The following RAD23B variants were observed in gnomAD, a reference collection of about 807,000 sequenced individuals.
The protein encoded by RAD23B is lysine-specific demethylase RAD23B.
A neutral mutation model predicts 49.1 loss-of-function variants in RAD23B; 5 were observed. That is an observed-to-expected ratio of 0.10 (90% confidence interval 0.05 to 0.21). The LOEUF (loss-of-function observed/expected upper bound fraction) is 0.21. Among genes scored for constraint, RAD23B ranks in the 10% least tolerant of loss-of-function variants. The pLI, the probability that RAD23B is intolerant of heterozygous loss-of-function variation, is 1.00. For synonymous variants in RAD23B, 184 were observed against 165.4 expected (o/e 1.11, Z -0.86); for missense variants, 356 against 486.7 (o/e 0.73, Z 2.53).
rs1234075291 is a variant in RAD23B at position 107,292,886 on chromosome 9, C to T, written c.67-7255C>T. ...TAGTATCTACCTGTGTACTAGTTAA[C>T]CTATTACTGCATAACAAATTACCCC... On this transcript the variant is annotated intron_variant, in intron 1 of 9. Transcript: ENST00000358015. Among the ~76,000 whole-genome samples, 4 of 152,064 alleles carry T rather than the reference C, an allele frequency of 2.6e-5. No homozygotes were observed. The South Asian group carries it at 6.2e-4, about 24-fold the overall frequency.
chr9:107,309,841 G>T (rs1260042585), intron 4 of RAD23B, among the ~76,000 whole-genome samples: 1 of 149,374 alleles, frequency 6.7e-6, no homozygotes, highest in African/African-American at 2.5e-5. Flanking sequence ...TGAGGCAGGA[G>T]AATGGCGTGA....
chr9:107,287,185 G>A (rs923338202), intron 1 of RAD23B, among the ~76,000 whole-genome samples: 1 of 151,680 alleles, frequency 6.6e-6, no homozygotes, highest in African/African-American at 2.4e-5. Flanking sequence ...TTATATTACT[G>A]TTGCTTAAAA....
At chr9:107,284,694 C>T in intron 1 of RAD23B, 1 of 1,107,440 alleles carries the variant, frequency 9.0e-7, no homozygotes, top group Non-Finnish European at 1.1e-6. Context: ...CCAAGATTGT[C>T]ATAATACTAA....
chr9:107,291,132 G>A (rs1267594217), intron 1 of RAD23B, among the ~76,000 whole-genome samples: 5 of 152,176 alleles, frequency 3.3e-5, no homozygotes, highest in Non-Finnish European at 7.3e-5. Flanking sequence ...AGATTCTGGA[G>A]GCTTAAACAG....
At chr9:107,283,996 A>T (rs1000466478) in intron 1 of RAD23B, 1 of 1,097,232 alleles carries the variant, frequency 9.1e-7, no homozygotes, top group Non-Finnish European at 1.1e-6. Context: ...CCGGAGGGGG[A>T]TGGGAAGGTC....
chr9:107,295,209 GGTGT>G (rs1166332897), intron 1 of RAD23B, among the ~76,000 whole-genome samples: 1 of 152,026 alleles, frequency 6.6e-6, no homozygotes, highest in East Asian at 1.9e-4. Context: ...TGAGGACAGT[GGTGT>G]GTATTTAAGT....
In RAD23B at chr9:107,329,789, A is replaced by C; in HGVS notation, c.*133A>C. 3.5e-6 allele frequency: 1 copy of C among 283,910 alleles called. No individual in the cohort carries two copies. Among genetic ancestry groups the C allele is most frequent in the Non-Finnish European group, 7.3e-6 (1 of 137,452 alleles). 17.6% of individuals were successfully genotyped at this position (283,910 alleles called of 1,614,324 possible). A position where few individuals can be genotyped will look rare whatever the true frequency, so the allele number is the denominator to read the frequency against. ...AGTAGATTGTTGGGGGTGGGGAGGG[A>C]GGGATCTAGGATACAGGGCAGGGAT... On this transcript the variant is annotated 3_prime_UTR_variant, in exon 10 of 10. Transcript: ENST00000358015.
At position 107,318,235 on chromosome 9, in the gene RAD23B, A is replaced by G. The variant is rs113493895; in HGVS notation, c.554-517A>G. ...ACACAGGGCTCACTGTACTAAAATC[A>G]GGGAGCCGGCATTCCTTTTTGGAGA... On this transcript the variant is annotated intron_variant, in intron 5 of 9. Transcript: ENST00000358015. The surrounding 1 kb of genome is among the most constrained non-coding windows in gnomAD (Gnocchi z 4.3). 0.022 allele frequency among the ~76,000 whole-genome samples: 3,354 copies of G among 152,332 alleles called. 118 individuals carry two copies. Among genetic ancestry groups the G allele is most frequent in the African/African-American group, 0.074 (3,066 of 41,564 alleles).
rs377550974 is a variant in RAD23B, at chr9:107,285,367, G to A, written c.66+1672G>A. On this transcript the variant is annotated intron_variant, in intron 1 of 9. Transcript: ENST00000358015. ...TGGTTCTTTGTGGTAACAAATGTTG[G>A]TGCCCCAGTAACTTAATCGGCTTAT... Among the ~76,000 whole-genome samples, 47 of 152,248 alleles carry A rather than the reference G, an allele frequency of 3.1e-4. 2 individuals carry two copies. Among genetic ancestry groups the A allele is most frequent in the African/African-American group, 1.1e-3 (47 of 41,520 alleles).
intron 3 of RAD23B, among the ~76,000 whole-genome samples, chr9:107,306,081 CTATA>C (rs1204272600): frequency 5.3e-5 from 4 of 75,084 alleles, no homozygotes; most frequent in Non-Finnish European, 1.1e-4. Context: ...ATCTATATAT[CTATA>C]TATATTTCAA....
At chr9:107,294,138 C>T (rs563213780) in intron 1 of RAD23B, among the ~76,000 whole-genome samples, 4 of 152,130 alleles carry the variant, frequency 2.6e-5, no homozygotes, top group East Asian at 3.9e-4. Context: ...AGCTTTGTGG[C>T]GGCACTTTTA....
intron 4 of RAD23B, among the ~76,000 whole-genome samples, chr9:107,307,003 GT>G (rs1453956314): frequency 6.6e-6 from 1 of 151,850 alleles, no homozygotes; most frequent in East Asian, 1.9e-4. Context: ...ATCATCATTT[GT>G]ACTTGATCTG....
intron 7 of RAD23B, among the ~76,000 whole-genome samples, chr9:107,322,344 G>A (rs576014756): frequency 6.6e-6 from 1 of 152,264 alleles, no homozygotes; most frequent in African/African-American, 2.4e-5. Context: ...TTTGCCGAAG[G>A]GCATATTCTG....
rs1472746328 is a variant in RAD23B at position 107,329,276 on chromosome 9, C to G, written c.1117-267C>G. 4.6e-5 allele frequency among the ~76,000 whole-genome samples: 7 copies of G among 152,124 alleles called. No homozygotes were observed. In the South Asian group the frequency reaches 1.5e-3, roughly 32 times the overall value. On this transcript the variant is annotated intron_variant, in intron 9 of 9. Coordinates refer to ENST00000358015, the MANE Select transcript of RAD23B (RefSeq NM_002874.5). The stretch of plus-strand genomic sequence containing the variant: ...AGGCCAAAGAGTATTTGCATAGTAT[C>G]TATTAAGCTTTAACTAGAAACAAAG...
chr9:107,308,132 A>AG (rs1826816904), intron 4 of RAD23B, among the ~76,000 whole-genome samples: 1 of 151,692 alleles, frequency 6.6e-6, no homozygotes, highest in South Asian at 2.1e-4. Context: ...AAAAAAAAAA[A>AG]GCTTACAGTG....
intron 4 of RAD23B, among the ~76,000 whole-genome samples, chr9:107,308,033 T>C (rs1041948960): frequency 6.6e-6 from 1 of 152,132 alleles, no homozygotes; most frequent in African/African-American, 2.4e-5. Flanking sequence ...AAAAAATTGG[T>C]TTACTAAAGC....
chr9:107,317,199 C>G (rs1291508096), intron 5 of RAD23B, among the ~76,000 whole-genome samples: 1 of 152,048 alleles, frequency 6.6e-6, no homozygotes, highest in Non-Finnish European at 1.5e-5. Flanking sequence ...GTAATCCCAT[C>G]TAGAGACTGT....
chr9:107,329,717 TTGTC>T lies in RAD23B; in HGVS notation c.*64_*67del. 1.7e-6 allele frequency: 2 copies of T among 1,199,524 alleles called. No individual in the cohort carries two copies. Among genetic ancestry groups the T allele is most frequent in the Non-Finnish European group, 2.5e-6 (2 of 815,738 alleles). 74.3% of individuals were successfully genotyped at this position (1,199,524 alleles called of 1,614,324 possible). A position where few individuals can be genotyped will look rare whatever the true frequency, so the allele number is the denominator to read the frequency against. On this transcript the variant is annotated 3_prime_UTR_variant, in exon 10 of 10. Coordinates refer to ENST00000358015, the MANE Select transcript of RAD23B (RefSeq NM_002874.5). ...GCATTACACTAACTTGTTCACTGGA[TTGTC>T]TGGGATGACTTGGGCTCATATCCAC...
rs1313678713 is a variant in RAD23B at position 107,332,051 on chromosome 9, G to A, written c.*2395G>A. The A allele has an allele frequency of 3.1e-5, 10 of 317,916 alleles. No homozygotes were observed. The highest frequency in any genetic ancestry group is 4.0e-5 in the Non-Finnish European group (7 of 177,138). 19.7% of individuals were successfully genotyped at this position (317,916 alleles called of 1,614,324 possible). On this transcript the variant is annotated 3_prime_UTR_variant, in exon 10 of 10. Transcript: ENST00000358015. Reference sequence around the variant, plus strand: ...GGGAAATGTGAGGAAGCCTAAGTTTGTATTTGTAAATTTCTTATGCCATCC... The same window carrying A: ...GGGAAATGTGAGGAAGCCTAAGTTTATATTTGTAAATTTCTTATGCCATCC...
Sources: allele counts gnomAD v4.1 joint callset (sites outside exome capture counted in the v4.1 genomes callset), GRCh38; gene constraint gnomAD v4.1.1; non-coding constraint Gnocchi (gnomAD v3.1); transcripts MANE v1.5; gene names NCBI Gene and HGNC (gene_info 2026-07-23, HGNC 2026-07-21).